The following MEF2A variants were observed in gnomAD, a reference collection of about 807,000 sequenced individuals.
The protein encoded by MEF2A is myocyte enhancer factor 2A, also known as myocyte-specific enhancer factor 2A.
Under a neutral mutation model 55.8 loss-of-function variants are expected in MEF2A, and 28 were observed. The ratio of observed to expected loss-of-function variants is 0.50; its 90% CI spans 0.37 to 0.69. The LOEUF is 0.69. MEF2A is among the 30% of genes least tolerant of loss of function. The probability of loss-of-function intolerance (pLI) is 0.00; values close to 1 mark genes in which losing one functional copy is unlikely to be tolerated. For missense variants in MEF2A, 528 were observed against 626.2 expected (o/e 0.84, Z 1.67); for synonymous variants, 239 against 227.1 (o/e 1.05, Z -0.47).
At chr15:99,586,616 C>T (rs1967368865) in intron 1 of MEF2A, among the ~76,000 whole-genome samples, 1 of 151,802 alleles carries the variant, frequency 6.6e-6, no homozygotes, top group Non-Finnish European at 1.5e-5. Flanking sequence ...ATATTTTTAT[C>T]CCTTAATGGT....
intron 4 of MEF2A, among the ~76,000 whole-genome samples, chr15:99,670,378 G>A (rs1242519852): frequency 6.6e-6 from 1 of 152,200 alleles, no homozygotes; most frequent in Admixed American, 6.5e-5. Flanking sequence ...GGAGGCTGAG[G>A]TGGGTGGATC....
intron 7 of MEF2A, among the ~76,000 whole-genome samples, chr15:99,685,568 A>G (rs1416009820): frequency 2.0e-5 from 3 of 152,148 alleles, no homozygotes; most frequent in African/African-American, 7.2e-5. Flanking sequence ...AAGATGTCAT[A>G]GATGGCTTTT....
chr15:99,590,733 A>G (rs758240591), intron 1 of MEF2A, among the ~76,000 whole-genome samples: 1 of 152,030 alleles, frequency 6.6e-6, no homozygotes, highest in Non-Finnish European at 1.5e-5. Context: ...TTTAGAAATA[A>G]TGTAAGATCC....
chr15:99,661,262 A>C (rs1185381300), intron 4 of MEF2A, among the ~76,000 whole-genome samples: 1 of 152,176 alleles, frequency 6.6e-6, no homozygotes, highest in African/African-American at 2.4e-5. Context: ...AAAATTATAA[A>C]GCTATTTGCA....
chr15:99,646,661 T>C (rs78547437), intron 4 of MEF2A, among the ~76,000 whole-genome samples: 18,965 of 152,094 alleles, frequency 0.12, 1,518 homozygotes, highest in East Asian at 0.24. Flanking sequence ...ATCTAGATGG[T>C]ATTTCTAATA....
chr15:99,596,321 A>T (rs1971155925), intron 1 of MEF2A, among the ~76,000 whole-genome samples: 1 of 151,386 alleles, frequency 6.6e-6, no homozygotes, highest in African/African-American at 2.4e-5. Flanking sequence ...AATTTGAGGA[A>T]TTTTTTTCTG....
chr15:99,657,089 A>G (rs1254702715), intron 4 of MEF2A, among the ~76,000 whole-genome samples: 4 of 152,120 alleles, frequency 2.6e-5, no homozygotes, highest in Admixed American at 2.6e-4. Context: ...TTCACTTAGC[A>G]TAATGTTTTC....
In MEF2A at chr15:99,675,416, A is replaced by G. The variant is rs1376719387; in HGVS notation, c.628A>G (p.Thr210Ala). The G allele has an allele frequency of 1.9e-6, 3 of 1,613,930 alleles. No individual in the cohort carries two copies. The highest frequency in any genetic ancestry group is 2.5e-6 in the Non-Finnish European group (3 of 1,179,826). The change falls in exon 7 of 12, where the codon ACA becomes GCA. Residue 210 changes from threonine (T) to alanine (A), a missense_variant. Physicochemically the swap from Thr to Ala is moderately conservative, Grantham distance 58 (BLOSUM62 0). Transcript: ENST00000557942. ...GTTGTTAGGTGGGATGTTGAGCACT[A>G]CAGACCTCACAGTGCCAAATGGAGC... The part of the protein sequence containing the change: ...TGNAGGMLST[T>A]DLTVPNGAGS...
chr15:99,680,776 A>C (rs2053089363), intron 7 of MEF2A, among the ~76,000 whole-genome samples: 1 of 152,218 alleles, frequency 6.6e-6, no homozygotes. Flanking sequence ...ATAATACTTA[A>C]GATGGTGGGA....
intron 4 of MEF2A, among the ~76,000 whole-genome samples, chr15:99,648,986 CTG>C (rs1177549894): frequency 6.6e-5 from 10 of 152,018 alleles, no homozygotes; most frequent in African/African-American, 2.4e-4. Context: ...TCTTATTTTT[CTG>C]TGTTTCAATT....
chr15:99,644,265 G>GA (rs761839367), intron 3 of MEF2A, among the ~76,000 whole-genome samples: 122 of 152,244 alleles, frequency 8.0e-4, no homozygotes, highest in Non-Finnish European at 1.0e-3. Flanking sequence ...ACTATAGGGA[G>GA]AAAACAGATA....
At chr15:99,570,821 A>G (rs1298635055) in intron 1 of MEF2A, among the ~76,000 whole-genome samples, 1 of 152,012 alleles carries the variant, frequency 6.6e-6, no homozygotes, top group Non-Finnish European at 1.5e-5. Context: ...AAAAAAAAAA[A>G]ACAACTTTTG....
At chr15:99,569,187 T>C (rs1252474711) in intron 1 of MEF2A, among the ~76,000 whole-genome samples, 1 of 152,178 alleles carries the variant, frequency 6.6e-6, no homozygotes, top group African/African-American at 2.4e-5. Context: ...TCCTGTAAAA[T>C]GAGATAGAAT....
intron 2 of MEF2A, among the ~76,000 whole-genome samples, chr15:99,622,702 C>CTTTTTTTTTTTTTTTTTTTTTTTTTTTTT (rs56054040): frequency 3.7e-5 from 5 of 135,696 alleles, no homozygotes; most frequent in Non-Finnish European, 4.7e-5. Flanking sequence ...GTTTTCTTTT[C>CTTTTTTTTTTTTTTTTTTTTTTTTTTTTT]TTTTTTTTTT....
chr15:99,643,200 G>A (rs1450020375), intron 3 of MEF2A, among the ~76,000 whole-genome samples: 1 of 152,112 alleles, frequency 6.6e-6, no homozygotes, highest in African/African-American at 2.4e-5. Context: ...GAACTGAAAC[G>A]TGGCTGTATT....
intron 10 of MEF2A, among the ~76,000 whole-genome samples, chr15:99,709,975 C>T (rs1427849061): frequency 6.6e-6 from 1 of 152,178 alleles, no homozygotes. Flanking sequence ...TTCCCTGTCC[C>T]CCAACCCCTT....
intron 2 of MEF2A, among the ~76,000 whole-genome samples, chr15:99,617,263 T>C (rs927597866): frequency 1.5e-5 from 1 of 66,596 alleles, no homozygotes; most frequent in African/African-American, 3.1e-5. Context: ...ATGTGTTTGG[T>C]TTTTTTTTTT....
intron 2 of MEF2A, among the ~76,000 whole-genome samples, chr15:99,608,294 T>A (rs974635790): frequency 3.3e-5 from 5 of 152,226 alleles, no homozygotes; most frequent in Non-Finnish European, 4.4e-5. Flanking sequence ...ACTTGCACTA[T>A]ATTTGCTATT....
chr15:99,567,982 T>C (rs1960472745), intron 1 of MEF2A, among the ~76,000 whole-genome samples: 1 of 152,190 alleles, frequency 6.6e-6, no homozygotes, highest in Non-Finnish European at 1.5e-5. Context: ...ATTAACAGTT[T>C]TGTTGAAGAG....
Sources: allele counts gnomAD v4.1 joint callset (sites outside exome capture counted in the v4.1 genomes callset), GRCh38; gene constraint gnomAD v4.1.1; transcripts MANE v1.5; gene names NCBI Gene and HGNC (gene_info 2026-07-23, HGNC 2026-07-21).